DOCK3: variants seen among roughly 807,000 people sequenced by gnomAD.
DOCK3 encodes the protein dedicator of cytokinesis protein 3.
A neutral mutation model predicts 265.6 loss-of-function variants in DOCK3; 60 were observed. That is an observed-to-expected ratio of 0.23 (90% confidence interval 0.18 to 0.28). The LOEUF is 0.28. Ranked by LOEUF, DOCK3 falls within the 10% of genes least tolerant of loss-of-function variation. The pLI, the probability that DOCK3 is intolerant of heterozygous loss-of-function variation, is 1.00. For missense variants in DOCK3, 1,981 were observed against 2,594.3 expected, an observed-to-expected ratio of 0.76 and a Z score of 5.14; for synonymous variants, 881 against 938.0, an observed-to-expected ratio of 0.94 and a Z score of 1.11.
At chr3:50,975,651 C>A (rs1186879971) in intron 5 of DOCK3, among the ~76,000 whole-genome samples, 3 of 152,148 alleles carry the variant, frequency 2.0e-5, no homozygotes, top group Admixed American at 2.0e-4. Context: ...ATGATGCTGG[C>A]CTCATGAAAT....
At chr3:50,809,955 CAT>C (rs1440092023) in intron 2 of DOCK3, among the ~76,000 whole-genome samples, 1 of 151,996 alleles carries the variant, frequency 6.6e-6, no homozygotes, top group Non-Finnish European at 1.5e-5. Flanking sequence ...ACCTGGGTAA[CAT>C]AGCGAGATCT....
At chr3:51,063,906 G>T (rs775312242) in intron 5 of DOCK3, among the ~76,000 whole-genome samples, 1 of 152,166 alleles carries the variant, frequency 6.6e-6, no homozygotes, top group Non-Finnish European at 1.5e-5. Context: ...AGGACACACC[G>T]TTTAGAAAAG....
intron 49 of DOCK3, among the ~76,000 whole-genome samples, chr3:51,369,358 T>C (rs931547675): frequency 3.3e-5 from 5 of 152,180 alleles, no homozygotes; most frequent in Admixed American, 6.5e-5. Context: ...AATGACCTGA[T>C]GGAGCTGAAA....
Position 51,017,701 on chromosome 3 carries a change from C to T in DOCK3, c.316-46747C>T, listed in dbSNP as rs192643389. ...GTTGTTACTGATTTCTGGCTTTATT[C>T]CATTGTGGTTAGAGAGGATACTTGA... On this transcript the variant is annotated intron_variant, in intron 5 of 52. Transcript: ENST00000266037. 6.6e-5 allele frequency among the ~76,000 whole-genome samples: 10 copies of T among 151,664 alleles called. No homozygotes were observed. The East Asian group carries it at 1.7e-3, about 26-fold the overall frequency.
intron 5 of DOCK3, among the ~76,000 whole-genome samples, chr3:50,957,929 C>T (rs948188033): frequency 4.6e-5 from 7 of 152,146 alleles, no homozygotes; most frequent in South Asian, 2.1e-4. Context: ...CTATTTTTTT[C>T]TGTTTGAAAA....
intron 3 of DOCK3, among the ~76,000 whole-genome samples, chr3:50,847,779 G>A (rs2046154781): frequency 6.6e-6 from 1 of 150,634 alleles, no homozygotes. Flanking sequence ...AATTACTCAG[G>A]AGGCTGAGGC....
At chr3:50,742,281 C>T (rs989176929) in intron 1 of DOCK3, among the ~76,000 whole-genome samples, 13 of 152,146 alleles carry the variant, frequency 8.5e-5, no homozygotes, top group South Asian at 2.1e-4. Flanking sequence ...CTCTAAAAAG[C>T]AGAGCGCCTC....
intron 5 of DOCK3, among the ~76,000 whole-genome samples, chr3:50,960,180 T>TA (rs2076849247): frequency 6.6e-6 from 1 of 152,244 alleles, no homozygotes; most frequent in Non-Finnish European, 1.5e-5. Context: ...AATCTGTGTG[T>TA]AAACATATGT....
rs143445998 is a variant in DOCK3 at position 51,374,866 on chromosome 3, G to T, written c.5412+279G>T. Among the ~76,000 whole-genome samples, 1 of 152,292 alleles carries T rather than the reference G, an allele frequency of 6.6e-6. No individual in the cohort carries two copies. The highest frequency in any genetic ancestry group is 1.5e-5 in the Non-Finnish European group (1 of 68,026). On this transcript the variant is annotated intron_variant, in intron 50 of 52. Coordinates refer to ENST00000266037, the MANE Select transcript of DOCK3 (RefSeq NM_004947.5). This position sits in a 1 kb window ranked among gnomAD's most constrained non-coding sequence, Gnocchi z 4.8. ...GTCCTTCCCGCCAGATCCTGGACTC[G>T]TCATCCCTAAACAGTCTAGCAAAGG...
intron 4 of DOCK3, among the ~76,000 whole-genome samples, chr3:50,915,888 C>G (rs2107971414): frequency 6.6e-6 from 1 of 152,010 alleles, no homozygotes; most frequent in Middle Eastern, 3.4e-3. Flanking sequence ...TAGAGTCGCC[C>G]CATCTTTGCT....
chr3:50,757,946 C>T (rs994542319), intron 1 of DOCK3, among the ~76,000 whole-genome samples: 3 of 151,736 alleles, frequency 2.0e-5, no homozygotes, highest in South Asian at 4.2e-4. Flanking sequence ...GAGGCTGAGG[C>T]GGGCAGATCA....
chr3:51,115,681 C>A (rs1265079157), intron 9 of DOCK3, among the ~76,000 whole-genome samples: 1 of 152,074 alleles, frequency 6.6e-6, no homozygotes, highest in Admixed American at 6.6e-5. Context: ...GCTTTTGTTG[C>A]CATTGCTTTT....
At chr3:50,939,547 A>G (rs192188681) in intron 5 of DOCK3, among the ~76,000 whole-genome samples, 101 of 152,252 alleles carry the variant, frequency 6.6e-4, no homozygotes, top group Non-Finnish European at 1.2e-3. Context: ...AGTGGGGTTT[A>G]TTCTGGTAAT....
At chr3:51,376,498 A>G (rs1645259151) in intron 51 of DOCK3, among the ~76,000 whole-genome samples, 1 of 152,216 alleles carries the variant, frequency 6.6e-6, no homozygotes, top group Admixed American at 6.5e-5. Flanking sequence ...CGATGGAAGA[A>G]GCAGACTCAG....
intron 5 of DOCK3, among the ~76,000 whole-genome samples, chr3:51,007,340 A>G (rs1210131359): frequency 1.3e-5 from 2 of 152,124 alleles, no homozygotes; most frequent in African/African-American, 2.4e-5. Context: ...ATTGTATCTC[A>G]TTGTGGTTTT....
chr3:51,121,098 T>C (rs1007325509), intron 9 of DOCK3, among the ~76,000 whole-genome samples: 1 of 152,174 alleles, frequency 6.6e-6, no homozygotes. Context: ...AGTTTTGTGC[T>C]TGAAACCCAG....
chr3:51,143,075 C>T (rs1278400977), intron 9 of DOCK3, among the ~76,000 whole-genome samples: 5 of 151,888 alleles, frequency 3.3e-5, no homozygotes, highest in African/African-American at 9.7e-5. Context: ...TTAGTAGAGA[C>T]GAGGTTTCAC....
At chr3:51,032,688 G>A (rs2080101101) in intron 5 of DOCK3, among the ~76,000 whole-genome samples, 1 of 152,036 alleles carries the variant, frequency 6.6e-6, no homozygotes. Context: ...CAGGAGGATC[G>A]ATTGAGGCCA....
At chr3:51,137,410 T>A (rs1399103522) in intron 9 of DOCK3, among the ~76,000 whole-genome samples, 1 of 152,184 alleles carries the variant, frequency 6.6e-6, no homozygotes, top group Non-Finnish European at 1.5e-5. Context: ...CCTCTAAATT[T>A]ATTTGAGAAA....
Sources: gnomAD v4.1 joint callset for allele counts (sites outside exome capture counted in the v4.1 genomes callset) on GRCh38, gnomAD v4.1.1 for gene constraint, Gnocchi (gnomAD v3.1) non-coding constraint, MANE v1.5 for transcripts, NCBI Gene and HGNC (gene_info 2026-07-23, HGNC 2026-07-21) for gene names.